The following RILPL1 variants were observed in gnomAD, a reference collection of about 807,000 sequenced individuals.
RILPL1 encodes the protein Rab interacting lysosomal protein like 1.
A neutral mutation model predicts 50.3 loss-of-function variants in RILPL1; 33 were observed. The ratio of observed to expected loss-of-function variants is 0.66; its 90% CI spans 0.50 to 0.88. The LOEUF (loss-of-function observed/expected upper bound fraction) is 0.88, where lower values mean the gene tolerates loss of function less well. Among genes scored for constraint, RILPL1 ranks in the 40% least tolerant of loss-of-function variants. The probability of loss-of-function intolerance (pLI) is 0.00; values close to 1 mark genes in which losing one functional copy is unlikely to be tolerated. For missense variants in RILPL1, 418 were observed against 542.5 expected, an observed-to-expected ratio of 0.77 and a Z score of 2.28; for synonymous variants, 205 against 228.6, an observed-to-expected ratio of 0.90 and a Z score of 0.93.
At chr12:123,482,755 A>C (rs916731862) in intron 6 of RILPL1, among the ~76,000 whole-genome samples, 1 of 151,078 alleles carries the variant, frequency 6.6e-6, no homozygotes, top group Non-Finnish European at 1.5e-5. Context: ...AGTAGCTGGG[A>C]CCATACCCAG....
rs746196704 is a variant in RILPL1, at chr12:123,523,506, T to C, written c.449A>G (p.Gln150Arg). 4.0e-5 allele frequency: 65 copies of C among 1,613,884 alleles called. No homozygotes were observed. In the Admixed American group the frequency reaches 1.0e-3, roughly 26 times the overall value. Residue 150 changes from glutamine to arginine, a missense_variant, in exon 2 of 7, where the codon CAG becomes CGG. Physicochemically the swap from Gln to Arg is conservative, Grantham distance 43. Transcript: ENST00000376874. ...CGACCCCCACTTACCTTCATGCTTC[T>C]GGAACTCCTCCTCTGAGAAATTGAC... Reference protein sequence around the residue: ...KDVNFSEEEFQKHEGMSERER... With the variant: ...KDVNFSEEEFRKHEGMSERER...
chr12:123,527,882 G>A (rs572439406), intron 1 of RILPL1, among the ~76,000 whole-genome samples: 1 of 152,230 alleles, frequency 6.6e-6, no homozygotes, highest in Non-Finnish European at 1.5e-5. Context: ...GCAAAGAAAT[G>A]GATCCTCCTC....
intron 2 of RILPL1, among the ~76,000 whole-genome samples, chr12:123,516,033 C>CAAAAAGAAAAAAAAAAAAAAAAA (rs1884671461): frequency 2.8e-5 from 1 of 36,174 alleles, no homozygotes; most frequent in African/African-American, 9.3e-5. Flanking sequence ...GACTCTGTCT[C>CAAAAAGAAAAAAAAAAAAAAAAA]AAAAAAAAAA....
chr12:123,521,221 C>T (rs137982727), intron 2 of RILPL1, among the ~76,000 whole-genome samples: 66 of 152,088 alleles, frequency 4.3e-4, no homozygotes, highest in Non-Finnish European at 8.8e-4. Flanking sequence ...TCATGACAAG[C>T]TTATGAGGGA....
chr12:123,531,244 C>A (rs1038519552), intron 1 of RILPL1, among the ~76,000 whole-genome samples: 1 of 152,094 alleles, frequency 6.6e-6, no homozygotes, highest in East Asian at 1.9e-4. Context: ...AGTCAACAAG[C>A]CCTGGCCCTG....
intron 4 of RILPL1, among the ~76,000 whole-genome samples, chr12:123,488,757 C>T (rs1396758860): frequency 1.3e-5 from 2 of 152,208 alleles, no homozygotes; most frequent in African/African-American, 4.8e-5. Context: ...AGAGGAGGGG[C>T]CTCCATGCAG....
At chr12:123,510,325 C>T (rs1377335145) in intron 2 of RILPL1, among the ~76,000 whole-genome samples, 2 of 152,006 alleles carry the variant, frequency 1.3e-5, no homozygotes, top group African/African-American at 4.8e-5. Flanking sequence ...ACACGGCTAA[C>T]GCTTCCCAGA....
chr12:123,494,526 G>A (rs190615610), intron 4 of RILPL1, among the ~76,000 whole-genome samples: 1 of 152,284 alleles, frequency 6.6e-6, no homozygotes, highest in East Asian at 1.9e-4. Flanking sequence ...CTGGAACAGC[G>A]CTGGGAGTCT....
intron 6 of RILPL1, among the ~76,000 whole-genome samples, chr12:123,479,122 G>A (rs1302219449): frequency 6.6e-6 from 1 of 152,022 alleles, no homozygotes; most frequent in Non-Finnish European, 1.5e-5. Flanking sequence ...GCGGGGGTGG[G>A]AGCAGAAAAG....
intron 1 of RILPL1, among the ~76,000 whole-genome samples, chr12:123,525,366 G>A (rs896257063): frequency 2.0e-5 from 3 of 146,398 alleles, no homozygotes; most frequent in Non-Finnish European, 3.0e-5. Flanking sequence ...ACAGGCAGAC[G>A]CCACCATGAC....
chr12:123,520,264 C>T (rs761281632), intron 2 of RILPL1, among the ~76,000 whole-genome samples: 2 of 152,132 alleles, frequency 1.3e-5, no homozygotes, highest in Non-Finnish European at 2.9e-5. Context: ...ACAATTCGGA[C>T]ATGAAAAGGC....
In RILPL1 at chr12:123,485,755, C is replaced by T. The variant is rs1204360847; in HGVS notation, c.852G>A (p.Met284Ile). The change falls in exon 5 of 7, where the codon ATG becomes ATA. Residue 284 changes from methionine to isoleucine, a missense_variant. Coordinates refer to ENST00000376874, the MANE Select transcript of RILPL1 (RefSeq NM_178314.5). The surrounding 1 kb of genome is among the most constrained non-coding windows in gnomAD (Gnocchi z 4.0). ...ESISDAEKVA[M>I]DLKDPNRPRF... ...GGGGGCGGTTGGGGTCCTTGAGATCCATGGCCACCTTCTCTGCGTCGGAGA... is the reference window on the plus strand; with the variant it reads ...GGGGGCGGTTGGGGTCCTTGAGATCTATGGCCACCTTCTCTGCGTCGGAGA... The T allele has an allele frequency of 6.2e-7, 1 of 1,612,680 alleles. No homozygotes were observed.
rs1188150495 is a variant in RILPL1, at chr12:123,533,488, C to T, written c.-6G>A. The T allele has an allele frequency of 1.3e-5, 20 of 1,505,638 alleles. No homozygotes were observed. The highest frequency in any genetic ancestry group is 1.6e-5 in the Non-Finnish European group (18 of 1,122,334). The allele number at this position is 1,505,638 out of a possible 1,614,324, so 93.3% of individuals were successfully genotyped here. Reference sequence around the variant, plus strand: ...GACCCCCGCTCCTCCTCCATGGCCACCCTCCTGGCCTGTCCCCCGCCCCGC... The same window carrying T: ...GACCCCCGCTCCTCCTCCATGGCCATCCTCCTGGCCTGTCCCCCGCCCCGC... On this transcript the variant is annotated 5_prime_UTR_variant, in exon 1 of 7. It adds an upstream start codon to the 5' untranslated region. Transcript: ENST00000376874. The surrounding 1 kb of genome is among the most constrained non-coding windows in gnomAD (Gnocchi z 6.2).
At chr12:123,494,355 T>C (rs1386385687) in intron 4 of RILPL1, among the ~76,000 whole-genome samples, 16 of 152,214 alleles carry the variant, frequency 1.1e-4, no homozygotes, top group Admixed American at 1.0e-3. Context: ...GCCCCGAGCC[T>C]GGGAAAGCGC....
In RILPL1 at chr12:123,472,538, T is replaced by TCA; in HGVS notation, c.1210_1211dup (p.Ter404CysfsTer39). ...GTTGGAGGGTGGAGATGGGCCAAGG[T>TCA]CACAGATGCTGCAGGGCTTCCTGTC... On this transcript the variant is annotated frameshift_variant and stop_lost, in exon 7 of 7. Coordinates refer to ENST00000376874, the MANE Select transcript of RILPL1 (RefSeq NM_178314.5). LOFTEE classifies it high-confidence loss of function. 1 of 1,550,986 alleles carries TCA rather than the reference T, an allele frequency of 6.4e-7. No individual in the cohort carries two copies. The highest frequency in any genetic ancestry group is 2.4e-5 in the East Asian group (1 of 40,928).
chr12:123,520,984 A>T (rs1054555146), intron 2 of RILPL1, among the ~76,000 whole-genome samples: 1 of 152,140 alleles, frequency 6.6e-6, no homozygotes, highest in Non-Finnish European at 1.5e-5. Context: ...TCCTTCAGGG[A>T]GCTGATTTCA....
At position 123,492,580 on chromosome 12, in the gene RILPL1, C is replaced by T. The variant is rs561199794; in HGVS notation, c.801+5964G>A. Among the ~76,000 whole-genome samples, 28 of 152,254 alleles carry T rather than the reference C, an allele frequency of 1.8e-4. No individual in the cohort carries two copies. The East Asian group carries it at 5.2e-3, about 28-fold the overall frequency. ...ATAAAAATAGAAAGAGCCTTGTCTC[C>T]TGGTGATCACACTGCAATGACAGTG... is the stretch of plus-strand genomic sequence containing the variant. On this transcript the variant is annotated intron_variant, in intron 4 of 6. Coordinates refer to ENST00000376874, the MANE Select transcript of RILPL1 (RefSeq NM_178314.5).
At chr12:123,521,240 C>A (rs374901722) in intron 2 of RILPL1, among the ~76,000 whole-genome samples, 1 of 151,940 alleles carries the variant, frequency 6.6e-6, no homozygotes, top group Non-Finnish European at 1.5e-5. Flanking sequence ...GAGGTATGGT[C>A]ATTTCTTCCA....
chr12:123,512,042 GTGTGTGAGGTC>G (rs202221530), intron 2 of RILPL1, among the ~76,000 whole-genome samples: 2 of 141,216 alleles, frequency 1.4e-5, no homozygotes, highest in African/African-American at 5.3e-5. Flanking sequence ...TGAGGTTTGT[GTGTGTGAGGTC>G]TGTGTGTGGT....
Sources: allele counts gnomAD v4.1 joint callset (sites outside exome capture counted in the v4.1 genomes callset), GRCh38; gene constraint gnomAD v4.1.1; non-coding constraint Gnocchi (gnomAD v3.1); transcripts MANE v1.5; gene names NCBI Gene and HGNC (gene_info 2026-07-23, HGNC 2026-07-21).